NRXN3: variants seen among roughly 807,000 people sequenced by gnomAD.
NRXN3 encodes neurexin III.
A neutral mutation model predicts 137.6 loss-of-function variants in NRXN3; 32 were observed. The observed-to-expected ratio is 0.23, with a 90% CI of 0.18 to 0.31. The LOEUF (loss-of-function observed/expected upper bound fraction) is 0.31. NRXN3 is among the 10% of genes least tolerant of loss of function. The pLI, the probability that NRXN3 is intolerant of heterozygous loss-of-function variation, is 1.00. For synonymous variants in NRXN3, 798 were observed against 784.5 expected (o/e 1.02, Z -0.29); for missense variants, 1,574 against 2,062.5 (o/e 0.76, Z 4.59).
At chr14:79,825,791 T>C (rs1391614256) in intron 20 of NRXN3, among the ~76,000 whole-genome samples, 1 of 152,160 alleles carries the variant, frequency 6.6e-6, no homozygotes, top group Non-Finnish European at 1.5e-5. Context: ...AAAATATATA[T>C]ATTGTTACAC....
At chr14:78,356,192 A>C (rs1175562415) in intron 4 of NRXN3, among the ~76,000 whole-genome samples, 1 of 152,160 alleles carries the variant, frequency 6.6e-6, no homozygotes, top group Non-Finnish European at 1.5e-5. Context: ...GCCTTAAAAA[A>C]TCTCTGGATC....
intron 15 of NRXN3, among the ~76,000 whole-genome samples, chr14:79,082,149 A>G (rs911939427): frequency 3.9e-5 from 6 of 151,904 alleles, no homozygotes; most frequent in Non-Finnish European, 7.4e-5. Flanking sequence ...ATACAAAACT[A>G]CCTATACATA....
intron 8 of NRXN3, among the ~76,000 whole-genome samples, chr14:78,779,158 G>A (rs1425871272): frequency 3.3e-5 from 5 of 151,562 alleles, no homozygotes; most frequent in Admixed American, 6.6e-5. Context: ...AATTTAATTC[G>A]GTATTTTAAA....
chr14:78,532,136 C>T (rs1307039659), intron 4 of NRXN3, among the ~76,000 whole-genome samples: 2 of 119,346 alleles, frequency 1.7e-5, no homozygotes, highest in Non-Finnish European at 1.7e-5. Flanking sequence ...GAAACCCCAT[C>T]TTTACTAAAA....
chr14:78,298,057 T>A (rs374861144), intron 4 of NRXN3, among the ~76,000 whole-genome samples, 197 bp downstream of exon 4: 1 of 152,210 alleles, frequency 6.6e-6, no homozygotes, highest in Admixed American at 6.5e-5. Flanking sequence ...CCCACCCCTA[T>A]TGTCCCCTTG....
At chr14:79,753,715 TATAATA>T (rs200409976) in intron 19 of NRXN3, among the ~76,000 whole-genome samples, 12 of 150,650 alleles carry the variant, frequency 8.0e-5, no homozygotes, top group Middle Eastern at 6.9e-3. Context: ...AAACTTAAAG[TATAATA>T]ATAATAATAA....
chr14:78,439,399 T>C (rs1418618011), intron 4 of NRXN3, among the ~76,000 whole-genome samples: 1 of 152,212 alleles, frequency 6.6e-6, no homozygotes, highest in Non-Finnish European at 1.5e-5. Context: ...CTACAGCACA[T>C]TGAGCATCTG....
At chr14:78,575,692 T>C (rs2096929729) in intron 4 of NRXN3, among the ~76,000 whole-genome samples, 1 of 152,140 alleles carries the variant, frequency 6.6e-6, no homozygotes, top group Non-Finnish European at 1.5e-5. Context: ...GTATTCTAGA[T>C]GATGGTAAGT....
At chr14:78,735,885 G>C (rs1427901710) in intron 8 of NRXN3, among the ~76,000 whole-genome samples, 1 of 152,144 alleles carries the variant, frequency 6.6e-6, no homozygotes, top group Non-Finnish European at 1.5e-5. Context: ...AGTCTAGAGA[G>C]GGAAATGTAT....
chr14:78,246,560 G>T (rs2067709755), intron 2 of NRXN3, among the ~76,000 whole-genome samples: 1 of 152,152 alleles, frequency 6.6e-6, no homozygotes, highest in Non-Finnish European at 1.5e-5. Context: ...GGTGAGAGAG[G>T]ATGTTGCGGG....
intron 15 of NRXN3, among the ~76,000 whole-genome samples, chr14:79,214,309 G>T (rs1209636442): frequency 1.3e-5 from 2 of 152,212 alleles, no homozygotes; most frequent in Non-Finnish European, 2.9e-5. Flanking sequence ...CCTAGACTGT[G>T]CATTAGAGGC....
chr14:79,125,675 C>A (rs2056290939), intron 15 of NRXN3, among the ~76,000 whole-genome samples: 1 of 152,154 alleles, frequency 6.6e-6, no homozygotes, highest in African/African-American at 2.4e-5. Context: ...CTATGCTTGG[C>A]CTCTATATAC....
chr14:78,772,964 T>G (rs751618857), intron 8 of NRXN3, among the ~76,000 whole-genome samples: 1 of 152,172 alleles, frequency 6.6e-6, no homozygotes. Flanking sequence ...TATAATCTCT[T>G]GTTTTATTTC....
intron 2 of NRXN3, among the ~76,000 whole-genome samples, chr14:78,260,372 G>T (rs2070483245): frequency 6.6e-6 from 1 of 152,192 alleles, no homozygotes; most frequent in Admixed American, 6.5e-5. Context: ...GGCTCTCCTA[G>T]CCTGGGTCTG....
At chr14:78,843,293 A>G (rs2099017794) in intron 10 of NRXN3, among the ~76,000 whole-genome samples, 1 of 152,144 alleles carries the variant, frequency 6.6e-6, no homozygotes, top group African/African-American at 2.4e-5. Context: ...GCCTTCCTGC[A>G]ACAATTTATC....
chr14:78,814,554 G>T (rs1023158556), intron 10 of NRXN3, among the ~76,000 whole-genome samples: 12 of 152,204 alleles, frequency 7.9e-5, no homozygotes, highest in African/African-American at 2.2e-4. Flanking sequence ...GGCGGAGGTT[G>T]CAGTGTGCTG....
chr14:78,305,895 G>A (rs2077325500), intron 4 of NRXN3, among the ~76,000 whole-genome samples: 1 of 152,072 alleles, frequency 6.6e-6, no homozygotes, highest in East Asian at 1.9e-4. Flanking sequence ...TGTTTTGAAA[G>A]TCTGTGGGGG....
intron 6 of NRXN3, among the ~76,000 whole-genome samples, chr14:78,663,606 C>T (rs900322780): frequency 4.6e-5 from 7 of 152,144 alleles, no homozygotes; most frequent in Non-Finnish European, 8.8e-5. Flanking sequence ...GAGCTATTTG[C>T]CTTTAATGCC....
At chr14:79,142,013 A>G (rs961411561) in intron 15 of NRXN3, among the ~76,000 whole-genome samples, 2 of 152,224 alleles carry the variant, frequency 1.3e-5, no homozygotes, top group African/African-American at 4.8e-5. Context: ...AAGTACATAT[A>G]AAGTACTGTG....
Sources: gnomAD v4.1 joint callset for allele counts (sites outside exome capture counted in the v4.1 genomes callset) on GRCh38, gnomAD v4.1.1 for gene constraint, MANE v1.5 for transcripts, NCBI Gene and HGNC (gene_info 2026-07-23, HGNC 2026-07-21) for gene names.